SV2A: variants seen among roughly 807,000 people sequenced by gnomAD.
The protein encoded by SV2A is solute carrier family 22 member B1.
In SV2A, 25 loss-of-function variants were observed where a neutral mutation model predicts 78.0. The observed-to-expected ratio is 0.32, with a 90% CI of 0.23 to 0.45. The LOEUF (loss-of-function observed/expected upper bound fraction) is 0.45. SV2A is among the 20% of genes least tolerant of loss of function. The pLI is 1.00. For missense variants in SV2A, 752 were observed against 971.5 expected (o/e 0.77, Z 3.00); for synonymous variants, 355 against 384.7 (o/e 0.92, Z 0.90).
In SV2A at chr1:149,914,129, G is replaced by A; in HGVS notation, c.-289C>T. ...AGGGGAAGGGGAGCCAGATTGGGAGGCTAAGCCAGGATAACTCAGGAAGGG... is the reference window on the plus strand; with the variant it reads ...AGGGGAAGGGGAGCCAGATTGGGAGACTAAGCCAGGATAACTCAGGAAGGG... On this transcript the variant is annotated 5_prime_UTR_variant, in exon 2 of 13. Coordinates refer to ENST00000369146, the MANE Select transcript of SV2A (RefSeq NM_014849.5). 1 of 349,470 alleles carries A rather than the reference G, an allele frequency of 2.9e-6. No individual in the cohort carries two copies. Among genetic ancestry groups the A allele is most frequent in the Non-Finnish European group, 5.2e-6 (1 of 192,554 alleles). The allele number at this position is 349,470 out of a possible 1,614,324, so 21.6% of individuals were successfully genotyped here.
At position 149,904,827 on chromosome 1, in the gene SV2A, C is replaced by A. The variant is rs2092425024; in HGVS notation, c.*187G>T. On this transcript the variant is annotated 3_prime_UTR_variant, in exon 13 of 13. Coordinates refer to ENST00000369146, the MANE Select transcript of SV2A (RefSeq NM_014849.5). ...TCATCTCAAAACTGGGATGAAGGAG[C>A]CTTCCCTGTAGTCCCTGCCCACGGG... 1 of 600,122 alleles carries A rather than the reference C, an allele frequency of 1.7e-6. No individual in the cohort carries two copies. The highest frequency in any genetic ancestry group is 2.8e-6 in the Non-Finnish European group (1 of 353,620). 37.2% of individuals were successfully genotyped at this position (600,122 alleles called of 1,614,324 possible). A position where few individuals can be genotyped will look rare whatever the true frequency, so the allele number is the denominator to read the frequency against.
At chr1:149,912,790 C>G (rs998866615) in intron 2 of SV2A, among the ~76,000 whole-genome samples, 11 of 150,886 alleles carry the variant, frequency 7.3e-5, no homozygotes, top group East Asian at 3.9e-4. Context: ...CCCTCCCCCC[C>G]TCCCCCAACC....
At chr1:149,915,269 C>A (rs2092505652) in intron 1 of SV2A, among the ~76,000 whole-genome samples, 1 of 152,148 alleles carries the variant, frequency 6.6e-6, no homozygotes, top group Admixed American at 6.5e-5. Flanking sequence ...AAACAGGAAG[C>A]AGCAAGGGAC....
rs1317253681 is a variant in SV2A at position 149,906,663 on chromosome 1, C to T, written c.1872G>A (p.Arg624=). 6.2e-7 allele frequency: 1 copy of T among 1,614,182 alleles called. No individual in the cohort carries two copies. Among genetic ancestry groups the T allele is most frequent in the Admixed American group, 1.7e-5 (1 of 60,022 alleles). Residue 624 remains arginine (R), a synonymous_variant, in exon 11 of 13, where the codon AGG becomes AGA. Transcript: ENST00000369146. ...TCTCCCCCTTACCAAGCATTCTGAGCCTGCCGATCTTGTCCATGAGCAGGG... is the reference window on the plus strand; with the variant it reads ...TCTCCCCCTTACCAAGCATTCTGAGTCTGCCGATCTTGTCCATGAGCAGGG... ...VSALLMDKIG[R]LRMLAGSSVM...
At chr1:149,911,127 C>A (rs1210954626) in intron 3 of SV2A, 150 bp from the exon 4 acceptor site, 1 of 1,024,782 alleles carries the variant, frequency 9.8e-7, no homozygotes, top group Non-Finnish European at 1.4e-6. Context: ...CCATGTGGGC[C>A]AGCCATCAAG....
At chr1:149,917,390 G>A (rs1381666545) in intron 1 of SV2A, among the ~76,000 whole-genome samples, 1 of 152,054 alleles carries the variant, frequency 6.6e-6, no homozygotes, top group Non-Finnish European at 1.5e-5. Context: ...ACGTCAAGGT[G>A]AGGAGGGGAT....
intron 12 of SV2A, chr1:149,905,545 C>T: frequency 3.3e-6 from 1 of 300,072 alleles, no homozygotes; most frequent in South Asian, 5.4e-5. Context: ...GCTCCACCTC[C>T]CGGGTTCAAG....
rs1553763076 is a variant in SV2A at position 149,908,144 on chromosome 1, G to A, written c.1442C>T (p.Ala481Val). The A allele has an allele frequency of 6.2e-7, 1 of 1,614,116 alleles. No homozygotes were observed. Among genetic ancestry groups the A allele is most frequent in the Non-Finnish European group, 8.5e-7 (1 of 1,180,054 alleles). Reference sequence around the variant, plus strand: ...CCCGGGGAACACTTTGGTGCGGGATGCGTAGTCCACTGCCTGGAGATGGCG... The same window carrying A: ...CCCGGGGAACACTTTGGTGCGGGATACGTAGTCCACTGCCTGGAGATGGCG... ...MIRHLQAVDY[A>V]SRTKVFPGER... Residue 481 changes from alanine to valine, a missense_variant, in exon 9 of 13, where the codon GCA becomes GTA. Around this residue, in one of 7 missense-constraint regions of SV2A, gnomAD observed 81 missense variants for 74.2 expected, o/e 1.09. Transcript: ENST00000369146.
chr1:149,906,864 C>CAA lies in SV2A; in HGVS notation c.1679-10_1679-9dup, dbSNP rs1475536783. 1.9e-6 allele frequency: 3 copies of CAA among 1,613,932 alleles called. No homozygotes were observed. In the African/African-American group the frequency reaches 4.0e-5, roughly 22 times the overall value. ...ACTTGTACTCGAACAGGTCTGTGGG[C>CAA]AAAGGCCAAGATAAGCAGGCAGTCA... On this transcript the variant is annotated splice_polypyrimidine_tract_variant and intron_variant, in intron 10 of 12. Transcript: ENST00000369146.
intron 8 of SV2A, 57 bp downstream of exon 8, chr1:149,909,135 C>A: frequency 6.4e-7 from 1 of 1,556,352 alleles, no homozygotes; most frequent in Non-Finnish European, 8.9e-7. Context: ...CCACCTCTCT[C>A]CCAGCCCACA....
intron 12 of SV2A, 96 bp downstream of exon 12, chr1:149,905,784 C>G: frequency 3.3e-6 from 5 of 1,495,844 alleles, no homozygotes; most frequent in Non-Finnish European, 3.7e-6. Flanking sequence ...AATGTATATC[C>G]TCTCACCCCT....
chr1:149,905,733 G>T, intron 12 of SV2A, 147 bp downstream of exon 12: 1 of 1,140,756 alleles, frequency 8.8e-7, no homozygotes, highest in Non-Finnish European at 1.3e-6. Context: ...ATGAGTCACC[G>T]TGCCCGGCCA....
At position 149,907,599 on chromosome 1, in the gene SV2A, A is replaced by G. The variant is rs2092446836; in HGVS notation, c.1678+101T>C. 2.8e-6 allele frequency: 4 copies of G among 1,427,906 alleles called. No individual in the cohort carries two copies. In the Admixed American group the frequency reaches 9.4e-5, roughly 34 times the overall value. The allele number at this position is 1,427,906 out of a possible 1,614,324, so 88.5% of individuals were successfully genotyped here. ...GCCACCTTCCCACAGGGGTCCAGGGATCTCAGCTTGAGAACCCTAAGATAG... is the reference window on the plus strand; with the variant it reads ...GCCACCTTCCCACAGGGGTCCAGGGGTCTCAGCTTGAGAACCCTAAGATAG... On this transcript the variant is annotated intron_variant, in intron 10 of 12. Coordinates refer to ENST00000369146, the MANE Select transcript of SV2A (RefSeq NM_014849.5).
chr1:149,905,229 C>T (rs1553762549), intron 12 of SV2A, 32 bp from the exon 13 acceptor site: 1 of 1,581,460 alleles, frequency 6.3e-7, no homozygotes, highest in Admixed American at 1.8e-5. Flanking sequence ...CAGCACGGCG[C>T]AAGGTACAGG....
In SV2A at chr1:149,908,509, C is replaced by A. The variant is rs184492157; in HGVS notation, c.1380-303G>T. On this transcript the variant is annotated intron_variant, in intron 8 of 12. Coordinates refer to ENST00000369146, the MANE Select transcript of SV2A (RefSeq NM_014849.5). ...CACTCTTCTCCACCCCAGCCACCCCCACTCCACCTGTCTGACTCCCATTCA... is the reference window on the plus strand; with the variant it reads ...CACTCTTCTCCACCCCAGCCACCCCAACTCCACCTGTCTGACTCCCATTCA... Among the ~76,000 whole-genome samples, 332 of 152,322 alleles carry A rather than the reference C, an allele frequency of 2.2e-3. 1 individual carries two copies. The highest frequency in any genetic ancestry group is 3.8e-3 in the Non-Finnish European group (259 of 68,022).
chr1:149,909,624 G>A lies in SV2A; in HGVS notation c.1180-53C>T, dbSNP rs782756105. 188 of 1,552,148 alleles carry A rather than the reference G, an allele frequency of 1.2e-4. 1 individual carries two copies. Among genetic ancestry groups the A allele is most frequent in the Admixed American group, 4.6e-4 (27 of 59,270 alleles). ...CACACACTCTGTGTTTCCCAACATCGGCCAGGCGCCTCAGTTTCCCCTGCA... is the reference window on the plus strand; with the variant it reads ...CACACACTCTGTGTTTCCCAACATCAGCCAGGCGCCTCAGTTTCCCCTGCA... On this transcript the variant is annotated intron_variant, in intron 6 of 12. Coordinates refer to ENST00000369146, the MANE Select transcript of SV2A (RefSeq NM_014849.5).
rs958707061 is a variant in SV2A at position 149,911,653 on chromosome 1, C to T, written c.803+147G>A. 8.2e-5 allele frequency: 69 copies of T among 842,046 alleles called. No homozygotes were observed. The African/African-American group carries it at 8.6e-4, about 11-fold the overall frequency. The allele number at this position is 842,046 out of a possible 1,614,324, so 52.2% of individuals were successfully genotyped here. A position where few individuals can be genotyped will look rare whatever the true frequency, so the allele number is the denominator to read the frequency against. On this transcript the variant is annotated intron_variant, in intron 3 of 12. Coordinates refer to ENST00000369146, the MANE Select transcript of SV2A (RefSeq NM_014849.5). ...CAGGGAGGAGCTGGCCTGAAGATGG[C>T]TGGGGGAGAAAGGAACTCATTCATC...
chr1:149,911,567 G>A (rs2092475532), intron 3 of SV2A, among the ~76,000 whole-genome samples: 1 of 152,216 alleles, frequency 6.6e-6, no homozygotes. Context: ...TAGAGGTGGG[G>A]TGGAGGACTC....
intron 6 of SV2A, 74 bp downstream of exon 6, chr1:149,909,727 G>A (rs1262749991): frequency 6.6e-7 from 1 of 1,511,360 alleles, no homozygotes. Context: ...GAGGTGGGGG[G>A]TACTCAGAGA....
Sources: allele counts gnomAD v4.1 joint callset (sites outside exome capture counted in the v4.1 genomes callset), GRCh38; gene constraint gnomAD v4.1.1; regional missense constraint gnomAD v4.1.1; transcripts MANE v1.5; gene names NCBI Gene and HGNC (gene_info 2026-07-23, HGNC 2026-07-21).